Variants in RGS7 observed in about 807,000 individuals in gnomAD.
The protein encoded by RGS7 is regulator of G protein signaling 7.
Under a neutral mutation model 81.1 loss-of-function variants are expected in RGS7, and 27 were observed. The ratio of observed to expected loss-of-function variants is 0.33; its 90% CI spans 0.25 to 0.46. The LOEUF is 0.46. RGS7 is among the 20% of genes least tolerant of loss of function. RGS7 has a pLI of 1.00. For missense variants in RGS7, 396 were observed against 607.4 expected, an observed-to-expected ratio of 0.65 and a Z score of 3.66; for synonymous variants, 208 against 207.7, an observed-to-expected ratio of 1.00 and a Z score of -0.01.
intron 3 of RGS7, among the ~76,000 whole-genome samples, chr1:241,086,987 C>T (rs752970055): frequency 9.2e-5 from 14 of 152,210 alleles, no homozygotes; most frequent in Non-Finnish European, 1.3e-4. Flanking sequence ...ATTCCACACA[C>T]TCCTGCAGCC....
At chr1:240,994,525 T>C (rs1686978425) in intron 3 of RGS7, among the ~76,000 whole-genome samples, 2 of 152,176 alleles carry the variant, frequency 1.3e-5, no homozygotes, top group Admixed American at 6.5e-5. Context: ...GCATATCCTG[T>C]AATCTTTCTG....
chr1:240,827,248 G>T (rs756555491), intron 9 of RGS7, 76 bp from the exon 10 acceptor site: 6 of 1,145,172 alleles, frequency 5.2e-6, no homozygotes, highest in Non-Finnish European at 8.0e-6. Flanking sequence ...TGAATGGCTC[G>T]CTCTCCAGAG....
chr1:241,195,160 T>C (rs2072971898), intron 2 of RGS7, among the ~76,000 whole-genome samples: 2 of 152,124 alleles, frequency 1.3e-5, no homozygotes, highest in Non-Finnish European at 2.9e-5. Context: ...TGACACTCAA[T>C]GAAAAATTAA....
chr1:241,167,199 C>A (rs752869575), intron 2 of RGS7, among the ~76,000 whole-genome samples: 2 of 152,172 alleles, frequency 1.3e-5, no homozygotes, highest in African/African-American at 4.8e-5. Flanking sequence ...GTTAGATCTT[C>A]GGGCTTGCCT....
chr1:241,089,500 T>C (rs2502422), intron 3 of RGS7, among the ~76,000 whole-genome samples: 36,870 of 151,448 alleles, frequency 0.24, 6,047 homozygotes, highest in African/African-American at 0.46. Context: ...TAAAATGAAA[T>C]ACAGTCAGAG....
At chr1:240,803,874 A>T (rs1688406890) in intron 15 of RGS7, among the ~76,000 whole-genome samples, 1 of 151,658 alleles carries the variant, frequency 6.6e-6, no homozygotes, top group African/African-American at 2.4e-5. Flanking sequence ...TTTTTCTTGA[A>T]GAAAATAGAT....
intron 2 of RGS7, among the ~76,000 whole-genome samples, chr1:241,126,013 C>T (rs1424682323): frequency 6.6e-6 from 1 of 152,098 alleles, no homozygotes; most frequent in Non-Finnish European, 1.5e-5. Flanking sequence ...AGCTAAGCTG[C>T]GACCTGGAGT....
chr1:241,075,632 A>C (rs2062752725), intron 3 of RGS7, among the ~76,000 whole-genome samples: 1 of 152,222 alleles, frequency 6.6e-6, no homozygotes, highest in Admixed American at 6.5e-5. Flanking sequence ...ATCATGTTTT[A>C]AGAAAGTTTA....
chr1:240,918,404 C>T (rs115556581), intron 6 of RGS7, among the ~76,000 whole-genome samples: 276 of 152,128 alleles, frequency 1.8e-3, no homozygotes, highest in African/African-American at 6.0e-3. Context: ...AAAGTATGAT[C>T]TCAAACAATA....
intron 2 of RGS7, among the ~76,000 whole-genome samples, chr1:241,219,624 T>C (rs1238104014): frequency 6.6e-6 from 1 of 152,136 alleles, no homozygotes; most frequent in Non-Finnish European, 1.5e-5. Context: ...CACCCATTAG[T>C]ACCAATCAGG....
intron 3 of RGS7, among the ~76,000 whole-genome samples, chr1:241,016,375 G>C (rs538429240): frequency 3.3e-5 from 5 of 152,184 alleles, no homozygotes; most frequent in African/African-American, 9.6e-5. Flanking sequence ...AAAATTAGCT[G>C]GGTGTGGCGG....
chr1:241,018,925 T>C (rs543734894), intron 3 of RGS7, among the ~76,000 whole-genome samples: 2 of 152,288 alleles, frequency 1.3e-5, no homozygotes, highest in South Asian at 2.1e-4. Flanking sequence ...GGTTTCAAAA[T>C]TGCCCTCAGG....
At chr1:240,871,447 T>C (rs1398600877) in intron 6 of RGS7, among the ~76,000 whole-genome samples, 3 of 152,226 alleles carry the variant, frequency 2.0e-5, no homozygotes, top group Non-Finnish European at 4.4e-5. Context: ...GTTTCCTGTA[T>C]GAAAGTCAAG....
chr1:241,119,937 A>C (rs192733985), intron 2 of RGS7, among the ~76,000 whole-genome samples: 1 of 151,904 alleles, frequency 6.6e-6, no homozygotes, highest in Admixed American at 6.5e-5. Context: ...AACTCAAATA[A>C]TAGCACATCA....
intron 9 of RGS7, among the ~76,000 whole-genome samples, chr1:240,829,814 CT>C (rs554545266): frequency 5.3e-5 from 8 of 151,668 alleles, no homozygotes; most frequent in Admixed American, 6.6e-5. Context: ...CTTTCTTTTT[CT>C]TTTTTTTAAA....
In RGS7 at chr1:241,204,363, G is replaced by T. The variant is rs1297833371; in HGVS notation, c.79-105601C>A. On this transcript the variant is annotated intron_variant, in intron 2 of 18. Coordinates refer to ENST00000440928, the MANE Select transcript of RGS7 (RefSeq NM_001364886.1). ...ATTATTTTATCCTCTAGGTCACAGAGATGGGCTGCAGGGGGTGGATAGATA... is the reference window on the plus strand; with the variant it reads ...ATTATTTTATCCTCTAGGTCACAGATATGGGCTGCAGGGGGTGGATAGATA... 2.0e-5 allele frequency among the ~76,000 whole-genome samples: 3 copies of T among 152,326 alleles called. No homozygotes were observed. In the East Asian group the frequency reaches 5.8e-4, roughly 29 times the overall value.
At chr1:240,799,167 T>C (rs1687580263) in intron 18 of RGS7, among the ~76,000 whole-genome samples, 1 of 152,014 alleles carries the variant, frequency 6.6e-6, no homozygotes, top group African/African-American at 2.4e-5. Context: ...CAAATAAAGG[T>C]ATTAAATAAA....
At chr1:240,777,796 G>A (rs899705615) in intron 18 of RGS7, among the ~76,000 whole-genome samples, 71 of 151,778 alleles carry the variant, frequency 4.7e-4, no homozygotes, top group Non-Finnish European at 9.1e-4. Flanking sequence ...TGTTCATAAG[G>A]GCTTCACCTT....
intron 4 of RGS7, among the ~76,000 whole-genome samples, chr1:240,949,673 C>T (rs906575934): frequency 1.8e-4 from 28 of 151,884 alleles, no homozygotes; most frequent in Admixed American, 1.6e-3. Flanking sequence ...CATGGTGAAA[C>T]CCCATCTGTA....
Sources: gnomAD v4.1 joint callset for allele counts (sites outside exome capture counted in the v4.1 genomes callset) on GRCh38, gnomAD v4.1.1 for gene constraint, MANE v1.5 for transcripts, NCBI Gene and HGNC (gene_info 2026-07-23, HGNC 2026-07-21) for gene names.